CREBL2: variants seen among roughly 807,000 people sequenced by gnomAD.
CREBL2 encodes the protein cAMP responsive element binding protein like 2.
CREBL2 carries 4 observed loss-of-function variants against 19.5 expected under a neutral mutation model. The ratio of observed to expected loss-of-function variants is 0.20; its 90% CI spans 0.10 to 0.47. CREBL2 has a LOEUF of 0.47. Among genes scored for constraint, CREBL2 ranks in the 20% least tolerant of loss-of-function variants. The probability of loss-of-function intolerance (pLI) is 0.98; values close to 1 mark genes in which losing one functional copy is unlikely to be tolerated. For synonymous variants in CREBL2, 42 were observed against 46.6 expected, an observed-to-expected ratio of 0.90 and a Z score of 0.40; for missense variants, 85 against 145.1, an observed-to-expected ratio of 0.59 and a Z score of 2.13.
chr12:12,618,508 G>A (rs1945333062), intron 1 of CREBL2, among the ~76,000 whole-genome samples: 4 of 151,996 alleles, frequency 2.6e-5, no homozygotes, highest in Non-Finnish European at 5.9e-5. Flanking sequence ...CTTCCTAGAC[G>A]GGATGGCGGC....
chr12:12,635,000 C>T (rs976475521), intron 1 of CREBL2, among the ~76,000 whole-genome samples: 6 of 151,420 alleles, frequency 4.0e-5, no homozygotes, highest in South Asian at 4.2e-4. Context: ...AATTCAAGAC[C>T]GCAGTGAGCT....
intron 3 of CREBL2, among the ~76,000 whole-genome samples, chr12:12,640,524 A>G (rs1460723080): frequency 6.6e-6 from 1 of 152,180 alleles, no homozygotes; most frequent in Non-Finnish European, 1.5e-5. Context: ...CACATTTTAC[A>G]ATCAATTTGT....
chr12:12,613,990 C>CTTTTTTTTTTTTTTTTTTTTTT (rs57522744), intron 1 of CREBL2, among the ~76,000 whole-genome samples: 24 of 72,876 alleles, frequency 3.3e-4, no homozygotes, highest in Admixed American at 5.8e-4. Context: ...TCTTTTTTTT[C>CTTTTTTTTTTTTTTTTTTTTTT]TTTTTTTTTT....
At chr12:12,639,065 A>G (rs1490284517) in intron 3 of CREBL2, among the ~76,000 whole-genome samples, 2 of 152,166 alleles carry the variant, frequency 1.3e-5, no homozygotes, top group African/African-American at 2.4e-5. Context: ...CCTGGAGTCT[A>G]TACAGTATGT....
At chr12:12,631,416 T>C (rs925915061) in intron 1 of CREBL2, among the ~76,000 whole-genome samples, 2 of 152,210 alleles carry the variant, frequency 1.3e-5, no homozygotes, top group African/African-American at 4.8e-5. Flanking sequence ...CATGACTCTA[T>C]GTCAGTAGAA....
chr12:12,623,645 A>G (rs938724886), intron 1 of CREBL2, among the ~76,000 whole-genome samples: 3 of 152,154 alleles, frequency 2.0e-5, no homozygotes, highest in Admixed American at 6.5e-5. Context: ...TGAAAGAGAG[A>G]ACTGGCTTTT....
In CREBL2 at chr12:12,637,678, A is replaced by T; in HGVS notation, c.322A>T (p.Thr108Ser). 2 of 1,613,416 alleles carry T rather than the reference A, an allele frequency of 1.2e-6. No individual in the cohort carries two copies. The change falls in exon 3 of 4, where the codon ACC becomes TCC. Residue 108 changes from threonine to serine, a missense_variant. Coordinates refer to ENST00000228865, the MANE Select transcript of CREBL2 (RefSeq NM_001310.4). ...ATCTCAGCAGAACTCAAGCAGGCAT[A>T]CCAAGGCTGGGAAGACAGATGCTAA... ...NKSQQNSSRH[T>S]KAGKTDANSN...
chr12:12,620,527 G>C (rs1394485057), intron 1 of CREBL2, among the ~76,000 whole-genome samples: 1 of 152,180 alleles, frequency 6.6e-6, no homozygotes, highest in Non-Finnish European at 1.5e-5. Context: ...ACCATGCCCG[G>C]CCGCCTTCCT....
intron 1 of CREBL2, among the ~76,000 whole-genome samples, chr12:12,619,898 A>G (rs1389294632): frequency 6.6e-6 from 1 of 152,198 alleles, no homozygotes; most frequent in Non-Finnish European, 1.5e-5. Flanking sequence ...TTATCTGGAA[A>G]TGAGGTTTCT....
At chr12:12,620,847 A>G (rs1945353481) in intron 1 of CREBL2, among the ~76,000 whole-genome samples, 1 of 152,196 alleles carries the variant, frequency 6.6e-6, no homozygotes, top group Non-Finnish European at 1.5e-5. Context: ...TTATTGGGTG[A>G]GGCAGACAAA....
intron 3 of CREBL2, among the ~76,000 whole-genome samples, chr12:12,637,983 C>CCA (rs1468293102): frequency 2.0e-5 from 3 of 151,460 alleles, no homozygotes; most frequent in African/African-American, 7.3e-5. Context: ...GTTGAGGCTG[C>CCA]GGTGAGCCAT....
intron 3 of CREBL2, among the ~76,000 whole-genome samples, chr12:12,640,637 A>G (rs952108616): frequency 3.3e-5 from 5 of 152,226 alleles, no homozygotes; most frequent in African/African-American, 1.2e-4. Context: ...AAGAAATTAT[A>G]AAAGTATTAT....
At chr12:12,638,022 G>T (rs570785242) in intron 3 of CREBL2, among the ~76,000 whole-genome samples, 2 of 151,944 alleles carry the variant, frequency 1.3e-5, no homozygotes, top group African/African-American at 4.8e-5. Flanking sequence ...CAAAAGGGGG[G>T]AACAAAAAGA....
chr12:12,635,944 T>C lies in CREBL2; in HGVS notation c.183T>C (p.Ala61=). ...AGTTGGTATCCAGTCGAGAAAGAGCTATATGTGCCCTCAGAGAGGAACTGG... is the reference window on the plus strand; with the variant it reads ...AGTTGGTATCCAGTCGAGAAAGAGCCATATGTGCCCTCAGAGAGGAACTGG... The part of the protein sequence containing the change: ...LEELVSSRER[A]ICALREELEM... The change falls in exon 2 of 4, where the codon GCT becomes GCC. Residue 61 remains alanine (A), a synonymous_variant. Transcript: ENST00000228865. 2 of 1,614,104 alleles carry C rather than the reference T, an allele frequency of 1.2e-6. No homozygotes were observed. Among genetic ancestry groups the C allele is most frequent in the Non-Finnish European group, 1.7e-6 (2 of 1,180,004 alleles).
chr12:12,621,098 TTTCTG>T (rs1945355645), intron 1 of CREBL2, among the ~76,000 whole-genome samples: 2 of 152,230 alleles, frequency 1.3e-5, no homozygotes, highest in Non-Finnish European at 2.9e-5. Flanking sequence ...ATCGACAGAC[TTTCTG>T]TAAAGGGCCA....
In CREBL2 at chr12:12,612,145, G is replaced by C; in HGVS notation, c.-28G>C. 1 of 1,610,858 alleles carries C rather than the reference G, an allele frequency of 6.2e-7. No homozygotes were observed. Among genetic ancestry groups the C allele is most frequent in the East Asian group, 2.2e-5 (1 of 44,868 alleles). On this transcript the variant is annotated 5_prime_UTR_variant, in exon 1 of 4. Transcript: ENST00000228865. ...CCGGGGGAGGGCTCCGGGAGGGAGT[G>C]CCTGGCCAGGCCGGCCTGTCTGCCG...
intron 3 of CREBL2, among the ~76,000 whole-genome samples, chr12:12,637,928 G>C (rs1945488632): frequency 6.6e-6 from 1 of 151,906 alleles, no homozygotes; most frequent in Admixed American, 6.6e-5. Flanking sequence ...TGTAATCCCA[G>C]CTATTTGGGA....
intron 3 of CREBL2, among the ~76,000 whole-genome samples, 193 bp from the exon 4 acceptor site, chr12:12,641,801 T>C (rs1464567478): frequency 2.6e-5 from 4 of 152,132 alleles, no homozygotes; most frequent in African/African-American, 7.2e-5. Flanking sequence ...TGTTTAAAAA[T>C]TAAAACATTT....
intron 3 of CREBL2, 63 bp downstream of exon 3, chr12:12,637,777 A>T (rs141435616): frequency 6.7e-7 from 1 of 1,502,442 alleles, no homozygotes; most frequent in Non-Finnish European, 8.9e-7. Context: ...GCAGTGGCTC[A>T]TGACTGTAAT....
Sources: allele counts gnomAD v4.1 joint callset (sites outside exome capture counted in the v4.1 genomes callset), GRCh38; gene constraint gnomAD v4.1.1; transcripts MANE v1.5; gene names NCBI Gene and HGNC (gene_info 2026-07-23, HGNC 2026-07-21).